Variants in PPP2R2A observed in about 807,000 individuals in gnomAD.
PPP2R2A encodes the protein serine/threonine-protein phosphatase 2A 55 kDa regulatory subunit B alpha isoform.
PPP2R2A carries 9 observed loss-of-function variants against 53.2 expected under a neutral mutation model. That is an observed-to-expected ratio of 0.17 (90% confidence interval 0.10 to 0.30). The LOEUF (loss-of-function observed/expected upper bound fraction) is 0.30, where lower values mean the gene tolerates loss of function less well. Ranked by LOEUF, PPP2R2A falls within the 10% of genes least tolerant of loss-of-function variation. The pLI is 1.00. For synonymous variants in PPP2R2A, 169 were observed against 174.2 expected (o/e 0.97, Z 0.23); for missense variants, 235 against 534.6 (o/e 0.44, Z 5.53).
At chr8:26,340,474 C>G (rs1803885640) in intron 3 of PPP2R2A, among the ~76,000 whole-genome samples, 1 of 151,960 alleles carries the variant, frequency 6.6e-6, no homozygotes. Flanking sequence ...CTACACTTTA[C>G]TTTTATTTTA....
chr8:26,296,024 C>G (rs1278743719), intron 2 of PPP2R2A, among the ~76,000 whole-genome samples: 1 of 152,086 alleles, frequency 6.6e-6, no homozygotes, highest in Non-Finnish European at 1.5e-5. Context: ...CTGCCTTTCT[C>G]CCGTCTACAT....
At chr8:26,353,816 C>T (rs183028389) in intron 3 of PPP2R2A, among the ~76,000 whole-genome samples, 56 of 152,164 alleles carry the variant, frequency 3.7e-4, no homozygotes, top group Admixed American at 9.8e-4. Flanking sequence ...GGCGAGTAAG[C>T]AGTTGTTGAT....
At chr8:26,324,572 TG>T (rs1802994020) in intron 2 of PPP2R2A, among the ~76,000 whole-genome samples, 1 of 152,216 alleles carries the variant, frequency 6.6e-6, no homozygotes, top group South Asian at 2.1e-4. Context: ...GGAGAACCTC[TG>T]CTAGGACAGT....
intron 2 of PPP2R2A, among the ~76,000 whole-genome samples, chr8:26,337,521 A>G (rs150907173): frequency 2.6e-5 from 4 of 152,308 alleles, no homozygotes; most frequent in Non-Finnish European, 5.9e-5. Flanking sequence ...TTAATCCTTT[A>G]TTCGCTGTAG....
rs572581129 is a variant in PPP2R2A, at chr8:26,344,743, A to C, written c.180+5756A>C. ...TTACATTTCCCAAAAGCAAAATATCATGTATTTTAAATATTTAAAATATCG... is the reference window on the plus strand; with the variant it reads ...TTACATTTCCCAAAAGCAAAATATCCTGTATTTTAAATATTTAAAATATCG... On this transcript the variant is annotated intron_variant, in intron 3 of 9. Coordinates refer to ENST00000380737, the MANE Select transcript of PPP2R2A (RefSeq NM_002717.4). 6.6e-5 allele frequency among the ~76,000 whole-genome samples: 10 copies of C among 152,296 alleles called. No individual in the cohort carries two copies. In the East Asian group the frequency reaches 1.7e-3, roughly 26 times the overall value.
intron 9 of PPP2R2A, among the ~76,000 whole-genome samples, chr8:26,367,977 C>T (rs1364760060): frequency 6.6e-6 from 1 of 152,144 alleles, no homozygotes; most frequent in East Asian, 1.9e-4. Context: ...GAACACAGGC[C>T]AGTTATTTTA....
chr8:26,352,582 CA>C (rs1453276647), intron 3 of PPP2R2A, among the ~76,000 whole-genome samples: 10 of 152,186 alleles, frequency 6.6e-5, no homozygotes, highest in Admixed American at 2.0e-4. Flanking sequence ...GCTTTTTAGA[CA>C]GAATTTTCTC....
At chr8:26,347,113 A>C (rs1804257007) in intron 3 of PPP2R2A, among the ~76,000 whole-genome samples, 1 of 152,184 alleles carries the variant, frequency 6.6e-6, no homozygotes, top group South Asian at 2.1e-4. Flanking sequence ...AACGTGATCC[A>C]GGGGATTGTT....
At chr8:26,311,303 G>A (rs17055111) in intron 2 of PPP2R2A, among the ~76,000 whole-genome samples, 1,597 of 152,112 alleles carry the variant, frequency 0.01, 31 homozygotes, top group African/African-American at 0.036. Flanking sequence ...AGCCTATTCC[G>A]GTCCACAAAT....
intron 3 of PPP2R2A, among the ~76,000 whole-genome samples, chr8:26,352,443 A>G (rs1187510124): frequency 6.6e-6 from 1 of 152,036 alleles, no homozygotes; most frequent in Non-Finnish European, 1.5e-5. Context: ...CAGTTTTGTT[A>G]CTGCTGCTGT....
At chr8:26,307,744 T>G (rs957728081) in intron 2 of PPP2R2A, among the ~76,000 whole-genome samples, 1 of 152,224 alleles carries the variant, frequency 6.6e-6, no homozygotes, top group African/African-American at 2.4e-5. Context: ...TATAAGTGCT[T>G]TATATGCATT....
intron 2 of PPP2R2A, among the ~76,000 whole-genome samples, chr8:26,300,805 C>T (rs531974629): frequency 7.2e-4 from 109 of 152,154 alleles, no homozygotes; most frequent in African/African-American, 2.0e-3. Context: ...GAGCCGAGAT[C>T]GTGCCACTGC....
intron 2 of PPP2R2A, among the ~76,000 whole-genome samples, chr8:26,315,231 A>G (rs1019376864): frequency 1.3e-5 from 2 of 152,196 alleles, no homozygotes; most frequent in East Asian, 3.9e-4. Flanking sequence ...GTAAGAGTAA[A>G]TTAGGAGCTT....
intron 3 of PPP2R2A, among the ~76,000 whole-genome samples, chr8:26,353,963 C>G (rs1488105973): frequency 6.6e-6 from 1 of 151,904 alleles, no homozygotes; most frequent in African/African-American, 2.4e-5. Flanking sequence ...TTTTTTTAAG[C>G]TTTCAGCAGC....
At chr8:26,293,330 GA>G in intron 1 of PPP2R2A, 2 of 1,445,622 alleles carry the variant, frequency 1.4e-6, no homozygotes, top group South Asian at 2.4e-5. Flanking sequence ...GTACACTTAA[GA>G]AAACTCTTTA....
intron 2 of PPP2R2A, among the ~76,000 whole-genome samples, chr8:26,329,219 A>C (rs140222517): frequency 3.1e-3 from 473 of 152,030 alleles, no homozygotes; most frequent in African/African-American, 0.011. Context: ...TTATAATTTG[A>C]TTTCTTGGAG....
chr8:26,323,717 G>A (rs1242913127), intron 2 of PPP2R2A, among the ~76,000 whole-genome samples: 1 of 152,200 alleles, frequency 6.6e-6, no homozygotes, highest in Non-Finnish European at 1.5e-5. Flanking sequence ...TGGAGTTGGA[G>A]TGCGCCACCT....
chr8:26,300,916 G>T (rs1563282160), intron 2 of PPP2R2A, among the ~76,000 whole-genome samples: 1 of 152,218 alleles, frequency 6.6e-6, no homozygotes, highest in Non-Finnish European at 1.5e-5. Flanking sequence ...CTGCTATATA[G>T]TCATTGTAAG....
At chr8:26,337,890 C>G (rs1803748134) in intron 2 of PPP2R2A, among the ~76,000 whole-genome samples, 1 of 152,078 alleles carries the variant, frequency 6.6e-6, no homozygotes. Flanking sequence ...TAAAAAATTG[C>G]TAAAAGAAAA....
Sources: gnomAD v4.1 joint callset for allele counts (sites outside exome capture counted in the v4.1 genomes callset) on GRCh38, gnomAD v4.1.1 for gene constraint, MANE v1.5 for transcripts, NCBI Gene and HGNC (gene_info 2026-07-23, HGNC 2026-07-21) for gene names.